The following COL4A5 variants were observed in gnomAD, a reference collection of about 807,000 sequenced individuals.
COL4A5 encodes collagen alpha-5(IV) chain.
Under a neutral mutation model 130.2 loss-of-function variants are expected in COL4A5, and 26 were observed. That is an observed-to-expected ratio of 0.20 (90% confidence interval 0.15 to 0.28). The LOEUF (loss-of-function observed/expected upper bound fraction) is 0.28, where lower values mean the gene tolerates loss of function less well. COL4A5 is among the 10% of genes least tolerant of loss of function. The pLI is 1.00. For missense variants in COL4A5, 1,131 were observed against 1,344.3 expected (o/e 0.84, Z 2.48); for synonymous variants, 496 against 439.6 (o/e 1.13, Z -1.60).
chrX:108,583,522 C>T (rs1364908166), intron 17 of COL4A5, among the ~76,000 whole-genome samples: 1 of 111,614 alleles, frequency 9.0e-6, no homozygotes, highest in Non-Finnish European at 1.9e-5. Flanking sequence ...TCCAATCCCT[C>T]TTGTTTTTAA....
intron 28 of COL4A5, among the ~76,000 whole-genome samples, chrX:108,603,635 G>T: frequency 8.9e-6 from 1 of 111,944 alleles, no homozygotes; most frequent in South Asian, 3.8e-4. Context: ...CAGGGTGATG[G>T]TTGCTGAAGG....
intron 1 of COL4A5, among the ~76,000 whole-genome samples, chrX:108,473,205 A>G (rs1157308450): frequency 9.0e-6 from 1 of 111,660 alleles, no homozygotes; most frequent in African/African-American, 3.3e-5. Flanking sequence ...ATAAGTCACT[A>G]TGTTACTGGT....
intron 48 of COL4A5, 53 bp from the exon 49 acceptor site, chrX:108,687,427 TAA>T: frequency 9.9e-7 from 1 of 1,005,722 alleles, no homozygotes; most frequent in Non-Finnish European, 1.4e-6. Context: ...TCAATATCCA[TAA>T]GAGTGGATCA....
At chrX:108,690,326 G>A (rs766572866) in intron 49 of COL4A5, among the ~76,000 whole-genome samples, 20 of 111,327 alleles carry the variant, frequency 1.8e-4, no homozygotes, top group Non-Finnish European at 3.0e-4. Flanking sequence ...TTTTCTTAAC[G>A]AGTTTTTGAA....
intron 1 of COL4A5, among the ~76,000 whole-genome samples, chrX:108,535,047 T>G (rs1029949592): frequency 2.2e-4 from 24 of 111,203 alleles, no homozygotes; most frequent in Admixed American, 2.0e-3. Flanking sequence ...CTTTTTAGCT[T>G]TACTAAGTCT....
At chrX:108,650,157 A>T (rs747245317) in intron 36 of COL4A5, among the ~76,000 whole-genome samples, 1 of 112,160 alleles carries the variant, frequency 8.9e-6, no homozygotes, top group South Asian at 3.7e-4. Flanking sequence ...ATGGCCAAAA[A>T]ACATATGAAA....
At chrX:108,693,017 TC>T (rs2068662039) in intron 50 of COL4A5, 92 bp downstream of exon 50, 1 of 1,006,016 alleles carries the variant, frequency 9.9e-7, no homozygotes, top group African/African-American at 1.9e-5. Flanking sequence ...ATGATATTCC[TC>T]CTAGGTTAGG....
chrX:108,674,598 G>A, intron 42 of COL4A5, 147 bp from the exon 43 acceptor site: 1 of 594,849 alleles, frequency 1.7e-6, no homozygotes, highest in Non-Finnish European at 2.7e-6. Flanking sequence ...TATGCTGTAA[G>A]TATAAGAAAT....
intron 10 of COL4A5, 33 bp downstream of exon 10, chrX:108,576,005 C>G (rs1453959050): frequency 1.1e-6 from 1 of 929,161 alleles, no homozygotes; most frequent in Admixed American, 2.3e-5. Context: ...ATTTCCCCCC[C>G]TTTCCTTTCT....
Position 108,686,029 on chromosome X carries a change from A to G in COL4A5, c.4217-2A>G. On this transcript the variant is annotated splice_acceptor_variant, in intron 47 of 52. Coordinates refer to ENST00000328300, the MANE Select transcript of COL4A5 (RefSeq NM_033380.3). LOFTEE classifies it high-confidence loss of function. ...TTTGAATGCCTCATTCTTTTCCTGTAGGTCCAACTGGCCCTCCAGGAGATC... is the reference window on the plus strand; with the variant it reads ...TTTGAATGCCTCATTCTTTTCCTGTGGGTCCAACTGGCCCTCCAGGAGATC... 2 of 1,205,230 alleles carry G rather than the reference A, an allele frequency of 1.7e-6. No homozygotes were observed. Among genetic ancestry groups the G allele is most frequent in the Non-Finnish European group, 2.2e-6 (2 of 889,801 alleles).
chrX:108,505,458 C>T (rs2065115817), intron 1 of COL4A5, among the ~76,000 whole-genome samples: 1 of 111,037 alleles, frequency 9.0e-6, no homozygotes, highest in Non-Finnish European at 1.9e-5. Flanking sequence ...GTGTTATGGA[C>T]TGAATTGTGT....
At chrX:108,673,986 G>C (rs955026326) in intron 42 of COL4A5, among the ~76,000 whole-genome samples, 6 of 108,852 alleles carry the variant, frequency 5.5e-5, no homozygotes, top group Admixed American at 2.0e-4. Flanking sequence ...AGGTTGCAGT[G>C]AGCTGAGATC....
intron 32 of COL4A5, among the ~76,000 whole-genome samples, chrX:108,622,426 C>T (rs952816780): frequency 4.5e-5 from 5 of 112,064 alleles, no homozygotes; most frequent in Non-Finnish European, 9.4e-5. Context: ...CCACCGTGCC[C>T]GTCTGGATTA....
intron 1 of COL4A5, among the ~76,000 whole-genome samples, chrX:108,460,553 G>A (rs963620480): frequency 9.2e-6 from 1 of 108,600 alleles, no homozygotes; most frequent in Admixed American, 1.0e-4. Flanking sequence ...GAAATGGTGC[G>A]GTCTTGGCAC....
At chrX:108,612,845 T>C (rs976777524) in intron 29 of COL4A5, among the ~76,000 whole-genome samples, 2 of 112,030 alleles carry the variant, frequency 1.8e-5, no homozygotes, top group African/African-American at 6.5e-5. Flanking sequence ...GGACAATTCA[T>C]AGTACTTGAT....
intron 40 of COL4A5, among the ~76,000 whole-genome samples, chrX:108,667,408 T>G (rs2068105263): frequency 9.0e-6 from 1 of 111,241 alleles, no homozygotes; most frequent in African/African-American, 3.3e-5. Flanking sequence ...TAGAGATCTC[T>G]TCACTAAATT....
chrX:108,475,569 A>G (rs1162135514), intron 1 of COL4A5, among the ~76,000 whole-genome samples: 1 of 111,508 alleles, frequency 9.0e-6, no homozygotes, highest in Non-Finnish European at 1.9e-5. Context: ...ATGTGATATT[A>G]TCTCAGTGGT....
intron 28 of COL4A5, among the ~76,000 whole-genome samples, chrX:108,604,252 T>C (rs2066692092): frequency 8.9e-6 from 1 of 112,389 alleles, no homozygotes; most frequent in South Asian, 3.7e-4. Flanking sequence ...CAGCTATACA[T>C]TACACAATGT....
At chrX:108,447,669 C>G (rs2064467989) in intron 1 of COL4A5, among the ~76,000 whole-genome samples, 1 of 111,495 alleles carries the variant, frequency 9.0e-6, no homozygotes. Flanking sequence ...ATTTTTCTTT[C>G]CTATCTACTA....
Sources: allele counts gnomAD v4.1 joint callset (sites outside exome capture counted in the v4.1 genomes callset), GRCh38; gene constraint gnomAD v4.1.1; transcripts MANE v1.5; gene names NCBI Gene and HGNC (gene_info 2026-07-23, HGNC 2026-07-21).